GRM1: variants seen among roughly 807,000 people sequenced by gnomAD.
The protein encoded by GRM1 is glutamate metabotropic receptor 1.
Under a neutral mutation model 90.9 loss-of-function variants are expected in GRM1, and 33 were observed. That is an observed-to-expected ratio of 0.36 (90% CI 0.28 to 0.49). The LOEUF is 0.49. GRM1 is among the 20% of genes least tolerant of loss of function. GRM1 has a pLI of 0.99. For missense variants in GRM1, 1,190 were observed against 1,534.3 expected (o/e 0.78, Z 3.75); for synonymous variants, 700 against 613.2 (o/e 1.14, Z -2.09).
intron 2 of GRM1, among the ~76,000 whole-genome samples, chr6:146,236,964 A>G (rs1464553053): frequency 1.3e-5 from 2 of 152,142 alleles, no homozygotes; most frequent in Non-Finnish European, 2.9e-5. Context: ...GTATGATGTC[A>G]CAAGAGTTCA....
At chr6:146,377,456 T>A (rs1262863171) in intron 5 of GRM1, among the ~76,000 whole-genome samples, 2 of 152,130 alleles carry the variant, frequency 1.3e-5, no homozygotes, top group African/African-American at 4.8e-5. Flanking sequence ...CTGGTGGCGT[T>A]ATGTCCTTGC....
intron 1 of GRM1, among the ~76,000 whole-genome samples, chr6:146,124,386 A>T (rs1326864949): frequency 1.3e-5 from 2 of 152,186 alleles, no homozygotes; most frequent in African/African-American, 2.4e-5. Context: ...AAATGTTTGC[A>T]CTGATTTTGG....
chr6:146,434,793 G>C lies in GRM1; in HGVS notation c.3582G>C (p.Leu1194=). Residue 1194 remains leucine (L), a synonymous_variant, in exon 8 of 8, where the codon CTG becomes CTC. Transcript: ENST00000282753. ...ACTACAAGCAAAGCTCTTCCACCCT[G>C]TAAGGGGGAAGGGTCCACATAGAAA... ...LRDYKQSSST[L] is the part of the protein sequence containing the mutation. The C allele has an allele frequency of 6.3e-7, 1 of 1,594,776 alleles. No homozygotes were observed.
At chr6:146,247,443 A>G (rs746658717) in intron 2 of GRM1, among the ~76,000 whole-genome samples, 12 of 152,130 alleles carry the variant, frequency 7.9e-5, no homozygotes, top group Non-Finnish European at 1.6e-4. Flanking sequence ...ATCAATGTTA[A>G]AGCAGTTTAA....
intron 2 of GRM1, among the ~76,000 whole-genome samples, chr6:146,270,995 C>CTTCTTTCT (rs58034716): frequency 1.7e-5 from 2 of 118,754 alleles, no homozygotes; most frequent in Non-Finnish European, 3.5e-5. Flanking sequence ...TCTTTCTTTC[C>CTTCTTTCT]TTCTTTCTTT....
intron 1 of GRM1, among the ~76,000 whole-genome samples, chr6:146,062,339 G>A (rs1305080242): frequency 2.3e-5 from 3 of 132,606 alleles, no homozygotes; most frequent in Non-Finnish European, 5.2e-5. Context: ...ACTAGGGCCT[G>A]TTGGGGGGTA....
chr6:146,399,759 C>G lies in GRM1; in HGVS notation c.2660+60C>G. 1 of 1,086,904 alleles carries G rather than the reference C, an allele frequency of 9.2e-7. No homozygotes were observed. Among genetic ancestry groups the G allele is most frequent in the Non-Finnish European group, 1.4e-6 (1 of 738,086 alleles). The allele number at this position is 1,086,904 out of a possible 1,614,324, so 67.3% of individuals were successfully genotyped here. ...TTCCTTTCTCTGTCTCTTTCTCTCTCTCTCTCTCTCTCTCTTTCTCTGTCT... is the reference window on the plus strand; with the variant it reads ...TTCCTTTCTCTGTCTCTTTCTCTCTGTCTCTCTCTCTCTCTTTCTCTGTCT... On this transcript the variant is annotated intron_variant, in intron 7 of 7. Transcript: ENST00000282753. The surrounding 1 kb of genome is among the most constrained non-coding windows in gnomAD (Gnocchi z 5.4).
intron 2 of GRM1, among the ~76,000 whole-genome samples, chr6:146,278,166 A>G (rs1583264201): frequency 6.6e-6 from 1 of 152,152 alleles, no homozygotes; most frequent in Non-Finnish European, 1.5e-5. Context: ...CCTTCAAATC[A>G]TATTTATTTG....
intron 6 of GRM1, among the ~76,000 whole-genome samples, chr6:146,397,477 A>C (rs1311135946): frequency 1.4e-5 from 2 of 141,836 alleles, no homozygotes; most frequent in Middle Eastern, 3.7e-3. Context: ...CCGTCTCAAA[A>C]AAAAAAGAAA....
At chr6:146,214,621 G>A (rs1466271868) in intron 2 of GRM1, among the ~76,000 whole-genome samples, 1 of 152,162 alleles carries the variant, frequency 6.6e-6, no homozygotes, top group African/African-American at 2.4e-5. Context: ...TAATTAAGTA[G>A]GGGGTGGAGG....
At chr6:146,141,655 A>G (rs189369957) in intron 1 of GRM1, among the ~76,000 whole-genome samples, 12 of 152,240 alleles carry the variant, frequency 7.9e-5, no homozygotes, top group African/African-American at 2.6e-4. Context: ...TGCTTGATCA[A>G]TTCTGCTATT....
intron 3 of GRM1, among the ~76,000 whole-genome samples, chr6:146,342,723 A>G (rs1785027303): frequency 6.6e-6 from 1 of 152,206 alleles, no homozygotes; most frequent in Non-Finnish European, 1.5e-5. Flanking sequence ...CTTTAATCAC[A>G]TTATCATTTA....
At chr6:146,033,698 A>AT in intron 1 of GRM1, among the ~76,000 whole-genome samples, 1 of 151,894 alleles carries the variant, frequency 6.6e-6, no homozygotes, top group South Asian at 2.1e-4. Flanking sequence ...TTGGTGTGAC[A>AT]TTTTTTTGAC....
intron 5 of GRM1, among the ~76,000 whole-genome samples, chr6:146,368,259 T>TG (rs1562643837): frequency 2.1e-4 from 27 of 125,584 alleles, no homozygotes; most frequent in Middle Eastern, 3.9e-3. Flanking sequence ...CAGTTTTTTT[T>TG]TGGGGGGGGG....
At chr6:146,051,019 T>C (rs536681237) in intron 1 of GRM1, among the ~76,000 whole-genome samples, 3 of 152,086 alleles carry the variant, frequency 2.0e-5, no homozygotes, top group South Asian at 4.1e-4. Flanking sequence ...TTTTGGTTCC[T>C]CCATTTGTAG....
rs566796353 is a variant in GRM1, at chr6:146,316,963, T to C, written c.1186+12117T>C. ...TTTTAAATGTAGTTTCCTTTTTAACTAGTTTATCAGGCACAACCTGCGTTA... is the reference window on the plus strand; with the variant it reads ...TTTTAAATGTAGTTTCCTTTTTAACCAGTTTATCAGGCACAACCTGCGTTA... On this transcript the variant is annotated intron_variant, in intron 3 of 7. Coordinates refer to ENST00000282753, the MANE Select transcript of GRM1 (RefSeq NM_001278064.2). 4.6e-5 allele frequency among the ~76,000 whole-genome samples: 7 copies of C among 152,350 alleles called. No individual in the cohort carries two copies. In the South Asian group the frequency reaches 1.4e-3, roughly 32 times the overall value.
chr6:146,147,179 G>A (rs1304882979), intron 1 of GRM1, among the ~76,000 whole-genome samples: 1 of 152,198 alleles, frequency 6.6e-6, no homozygotes, highest in Non-Finnish European at 1.5e-5. Flanking sequence ...ACAAAAGTGA[G>A]TATTTTTTAT....
intron 1 of GRM1, among the ~76,000 whole-genome samples, chr6:146,056,853 G>A (rs146055532): frequency 1.1e-4 from 16 of 152,214 alleles, no homozygotes; most frequent in Non-Finnish European, 2.1e-4. Flanking sequence ...CTGTCAACTT[G>A]TCTCTGAGTC....
At chr6:146,118,286 C>T (rs1269555700) in intron 1 of GRM1, among the ~76,000 whole-genome samples, 1 of 151,344 alleles carries the variant, frequency 6.6e-6, no homozygotes, top group Non-Finnish European at 1.5e-5. Flanking sequence ...ACTACAGGCG[C>T]CCACCACGAC....
Sources: gnomAD v4.1 joint callset for allele counts (sites outside exome capture counted in the v4.1 genomes callset) on GRCh38, gnomAD v4.1.1 for gene constraint, Gnocchi (gnomAD v3.1) non-coding constraint, MANE v1.5 for transcripts, NCBI Gene and HGNC (gene_info 2026-07-23, HGNC 2026-07-21) for gene names.